The following MGAT4C variants were observed in gnomAD, a reference collection of about 807,000 sequenced individuals.
MGAT4C encodes alpha-1,3-mannosyl-glycoprotein 4-beta-N-acetylglucosaminyltransferase C.
Under a neutral mutation model 40.1 loss-of-function variants are expected in MGAT4C, and 19 were observed. That is an observed-to-expected ratio of 0.47 (90% CI 0.33 to 0.70). The LOEUF (loss-of-function observed/expected upper bound fraction) is 0.70. Ranked by LOEUF, MGAT4C falls within the 30% of genes least tolerant of loss-of-function variation. The pLI is 0.02. For synonymous variants in MGAT4C, 181 were observed against 187.1 expected (o/e 0.97, Z 0.27); for missense variants, 491 against 563.2 (o/e 0.87, Z 1.30).
chr12:86,598,603 A>T (rs960537282), intron 2 of MGAT4C, among the ~76,000 whole-genome samples: 3 of 152,104 alleles, frequency 2.0e-5, no homozygotes, highest in African/African-American at 7.2e-5. Context: ...AAACCTAAAC[A>T]TGTAGTGTAA....
chr12:86,516,561 A>T (rs1263368281), intron 2 of MGAT4C, among the ~76,000 whole-genome samples: 1 of 151,948 alleles, frequency 6.6e-6, no homozygotes, highest in East Asian at 1.9e-4. Context: ...GATTTAAGCA[A>T]TTTTTTTTCT....
intron 2 of MGAT4C, among the ~76,000 whole-genome samples, chr12:86,044,145 G>A (rs1435597051): frequency 6.6e-6 from 1 of 152,154 alleles, no homozygotes; most frequent in Non-Finnish European, 1.5e-5. Context: ...GGGGTCTAAG[G>A]CTCAGTTCAG....
intron 1 of MGAT4C, among the ~76,000 whole-genome samples, chr12:86,740,474 A>G (rs1400458317): frequency 1.3e-5 from 2 of 151,278 alleles, no homozygotes; most frequent in African/African-American, 4.8e-5. Flanking sequence ...AAGATAATAG[A>G]GGGTGCATTT....
chr12:86,428,061 AAC>A (rs1381303736), intron 3 of MGAT4C, among the ~76,000 whole-genome samples: 5 of 148,070 alleles, frequency 3.4e-5, no homozygotes, highest in African/African-American at 1.3e-4. Context: ...AAACCACAAC[AAC>A]AAAAAAACCC....
chr12:86,547,491 T>A (rs1292120967), intron 2 of MGAT4C, among the ~76,000 whole-genome samples: 1 of 152,142 alleles, frequency 6.6e-6, no homozygotes, highest in African/African-American at 2.4e-5. Flanking sequence ...ATATCTTACC[T>A]GTGCATCTAA....
At chr12:86,110,494 G>T (rs73379438) in intron 1 of MGAT4C, among the ~76,000 whole-genome samples, 5,036 of 148,722 alleles carry the variant, frequency 0.034, 271 homozygotes, top group East Asian at 0.28. Context: ...ATTTATATTT[G>T]AATGAAAAAA....
At chr12:86,308,183 A>C (rs1375718180) in intron 4 of MGAT4C, among the ~76,000 whole-genome samples, 1 of 150,712 alleles carries the variant, frequency 6.6e-6, no homozygotes, top group Non-Finnish European at 1.5e-5. Context: ...GACATGTATA[A>C]TGTATATACA....
intron 1 of MGAT4C, among the ~76,000 whole-genome samples, chr12:86,728,518 T>G (rs535848485): frequency 6.6e-6 from 1 of 152,200 alleles, no homozygotes; most frequent in Non-Finnish European, 1.5e-5. Flanking sequence ...TGGTGAAACC[T>G]CGTCTCTACT....
intron 2 of MGAT4C, among the ~76,000 whole-genome samples, chr12:86,698,775 G>A (rs1181505631): frequency 1.3e-5 from 2 of 152,018 alleles, no homozygotes; most frequent in African/African-American, 4.8e-5. Flanking sequence ...CTGAAGGAAT[G>A]AATTCATTCT....
chr12:86,537,277 C>T (rs145055861), intron 2 of MGAT4C, among the ~76,000 whole-genome samples: 3,892 of 151,838 alleles, frequency 0.026, 89 homozygotes, highest in Non-Finnish European at 0.042. Context: ...CATTAAATGA[C>T]GAGTTAATGG....
rs146424240 is a variant in MGAT4C at position 86,630,963 on chromosome 12, T to C, written c.-229+96246A>G. ...CAATTAGGAAAAGAGGAAGTCAAAT[T>C]GTCCCTGTTTGCAGAAGACATGATG... is the stretch of plus-strand genomic sequence containing the variant. On this transcript the variant is annotated intron_variant, in intron 2 of 7. Transcript: ENST00000548651. 3.0e-3 allele frequency among the ~76,000 whole-genome samples: 459 copies of C among 152,278 alleles called. 2 individuals are homozygous for C. The highest frequency in any genetic ancestry group is 0.011 in the African/African-American group (438 of 41,578).
At chr12:86,585,472 T>A (rs969166221) in intron 2 of MGAT4C, among the ~76,000 whole-genome samples, 2 of 151,418 alleles carry the variant, frequency 1.3e-5, no homozygotes, top group Non-Finnish European at 3.0e-5. Context: ...CATATTACAT[T>A]AATTAAAAAT....
At chr12:86,490,434 G>A (rs556848670) in intron 2 of MGAT4C, among the ~76,000 whole-genome samples, 10 of 152,090 alleles carry the variant, frequency 6.6e-5, no homozygotes, top group Admixed American at 4.6e-4. Context: ...CACTAAATGT[G>A]GAAAGGAACA....
intron 2 of MGAT4C, among the ~76,000 whole-genome samples, chr12:86,645,615 T>C (rs1376389856): frequency 6.6e-6 from 1 of 151,816 alleles, no homozygotes; most frequent in Non-Finnish European, 1.5e-5. Flanking sequence ...GTTTTTAAGG[T>C]ATTCAGGGCA....
At chr12:86,795,599 AAGG>A (rs899096531) in intron 1 of MGAT4C, among the ~76,000 whole-genome samples, 1 of 151,204 alleles carries the variant, frequency 6.6e-6, no homozygotes, top group African/African-American at 2.4e-5. Context: ...GAGACAGAGA[AAGG>A]AGAGAGAGAG....
At chr12:86,359,458 GC>G (rs1425329799) in intron 3 of MGAT4C, among the ~76,000 whole-genome samples, 1 of 151,686 alleles carries the variant, frequency 6.6e-6, no homozygotes, top group African/African-American at 2.4e-5. Flanking sequence ...CTAGCAGAAG[GC>G]AAGAAATAAC....
chr12:86,492,772 G>A (rs1457385216), intron 2 of MGAT4C, among the ~76,000 whole-genome samples: 1 of 152,114 alleles, frequency 6.6e-6, no homozygotes, highest in Non-Finnish European at 1.5e-5. Context: ...AAAAGCAATG[G>A]CAACAAAACC....
intron 1 of MGAT4C, among the ~76,000 whole-genome samples, chr12:86,247,742 A>C (rs763141655): frequency 1.3e-5 from 2 of 152,112 alleles, no homozygotes; most frequent in Non-Finnish European, 2.9e-5. Context: ...TGTAAGAGAG[A>C]TGAAAAGAAA....
intron 1 of MGAT4C, among the ~76,000 whole-genome samples, chr12:86,829,989 TAAAC>T (rs940412333): frequency 7.9e-5 from 12 of 151,424 alleles, no homozygotes; most frequent in Admixed American, 7.3e-4. Flanking sequence ...GTATCCTTAA[TAAAC>T]AAAAGAAAAT....
Sources: gnomAD v4.1 joint callset for allele counts (sites outside exome capture counted in the v4.1 genomes callset) on GRCh38, gnomAD v4.1.1 for gene constraint, MANE v1.5 for transcripts, NCBI Gene and HGNC (gene_info 2026-07-23, HGNC 2026-07-21) for gene names.